The following MID1 variants were observed in gnomAD, a reference collection of about 807,000 sequenced individuals.
MID1 encodes the protein midline 1, also known as E3 ubiquitin-protein ligase Midline-1.
MID1 carries 7 observed loss-of-function variants against 40.4 expected under a neutral mutation model. The observed-to-expected ratio is 0.17, with a 90% CI of 0.10 to 0.33. MID1 has a LOEUF of 0.33. MID1 is among the 10% of genes least tolerant of loss of function. MID1 has a pLI of 1.00. For missense variants in MID1, 367 were observed against 558.5 expected, an observed-to-expected ratio of 0.66 and a Z score of 3.46; for synonymous variants, 229 against 221.2, an observed-to-expected ratio of 1.04 and a Z score of -0.31.
At chrX:10,775,851 T>TA (rs1210535830) in intron 1 of MID1, among the ~76,000 whole-genome samples, 1 of 111,560 alleles carries the variant, frequency 9.0e-6, no homozygotes, top group Admixed American at 9.6e-5. Context: ...TAATCAGTAA[T>TA]AGTTTCAAAG....
chrX:10,539,133 G>A (rs771149784), intron 2 of MID1, among the ~76,000 whole-genome samples: 1 of 112,365 alleles, frequency 8.9e-6, no homozygotes, highest in East Asian at 2.8e-4. Flanking sequence ...ATGAGGAATT[G>A]TGAAGCATTA....
chrX:10,677,732 A>G (rs183933246), intron 1 of MID1: 1 of 112,133 alleles, frequency 8.9e-6, no homozygotes, highest in Admixed American at 9.5e-5. Context: ...GTGACCCTGC[A>G]TAGAATCAGA....
intron 1 of MID1, among the ~76,000 whole-genome samples, chrX:10,806,921 A>C (rs2044052457): frequency 8.9e-6 from 1 of 112,192 alleles, no homozygotes; most frequent in Non-Finnish European, 1.9e-5. Flanking sequence ...AATTAAAAAA[A>C]ACATTTAATT....
At chrX:10,796,685 G>A (rs147762790) in intron 1 of MID1, among the ~76,000 whole-genome samples, 11 of 110,411 alleles carry the variant, frequency 1.0e-4, no homozygotes, top group South Asian at 7.9e-4. Context: ...TGGTAGGTGC[G>A]TACCTAGCAT....
At chrX:10,757,374 T>C (rs2043638785) in intron 1 of MID1, among the ~76,000 whole-genome samples, 1 of 112,285 alleles carries the variant, frequency 8.9e-6, no homozygotes, top group Non-Finnish European at 1.9e-5. Context: ...AAATGTGAAA[T>C]TTCTAGCATT....
chrX:10,484,408 G>A (rs988457010), intron 4 of MID1, among the ~76,000 whole-genome samples: 9 of 111,860 alleles, frequency 8.0e-5, no homozygotes, highest in Non-Finnish European at 1.7e-4. Context: ...TTTCAAATGC[G>A]ATGATGCTTG....
intron 1 of MID1, among the ~76,000 whole-genome samples, chrX:10,746,740 T>G (rs1312170142): frequency 1.8e-5 from 2 of 110,790 alleles, no homozygotes; most frequent in African/African-American, 6.5e-5. Flanking sequence ...AATGGATTTT[T>G]GTTGTTTGAA....
At chrX:10,655,653 A>G (rs1326580153) in intron 1 of MID1, among the ~76,000 whole-genome samples, 1 of 111,010 alleles carries the variant, frequency 9.0e-6, no homozygotes, top group African/African-American at 3.3e-5. Flanking sequence ...GTGTGGCCAC[A>G]TGACTCTTAT....
chrX:10,475,094 G>A (rs1027207927), intron 5 of MID1: 4 of 339,607 alleles, frequency 1.2e-5, no homozygotes, highest in Admixed American at 6.2e-5. Context: ...CAAGAAGCGC[G>A]TAGCTCTAGG....
intron 1 of MID1, among the ~76,000 whole-genome samples, chrX:10,793,420 C>T (rs2043947014): frequency 8.9e-6 from 1 of 112,311 alleles, no homozygotes; most frequent in African/African-American, 3.2e-5. Flanking sequence ...TCAGCCTGCA[C>T]CTCACTCCTT....
At chrX:10,715,625 C>A (rs145028834) in intron 1 of MID1, among the ~76,000 whole-genome samples, 1 of 111,961 alleles carries the variant, frequency 8.9e-6, no homozygotes, top group Non-Finnish European at 1.9e-5. Context: ...AGGGGCAGGG[C>A]ATAGCCAAAC....
At chrX:10,467,967 G>A (rs1175321011) in intron 7 of MID1, among the ~76,000 whole-genome samples, 2 of 111,219 alleles carry the variant, frequency 1.8e-5, no homozygotes, top group Non-Finnish European at 3.8e-5. Flanking sequence ...ATAGCTGTCC[G>A]GTACAGCCTT....
intron 1 of MID1, among the ~76,000 whole-genome samples, chrX:10,810,794 A>C (rs771040042): frequency 1.1e-3 from 116 of 109,093 alleles, no homozygotes; most frequent in African/African-American, 3.7e-3. Flanking sequence ...GCCACCCTTT[A>C]AAATGCTTTT....
At chrX:10,789,508 T>C (rs1399868769) in intron 1 of MID1, among the ~76,000 whole-genome samples, 1 of 112,174 alleles carries the variant, frequency 8.9e-6, no homozygotes, top group Non-Finnish European at 1.9e-5. Flanking sequence ...CAAATACCAT[T>C]GTGTTACAGT....
At chrX:10,572,371 G>A (rs758202699) in intron 1 of MID1, among the ~76,000 whole-genome samples, 3 of 110,419 alleles carry the variant, frequency 2.7e-5, no homozygotes, top group African/African-American at 9.9e-5. Flanking sequence ...CTAACGTGGT[G>A]AAACCCCGTC....
At chrX:10,632,080 A>G (rs1936058850) in intron 1 of MID1, among the ~76,000 whole-genome samples, 1 of 111,716 alleles carries the variant, frequency 9.0e-6, no homozygotes, top group Non-Finnish European at 1.9e-5. Flanking sequence ...TTACGCTTGC[A>G]TTGTCTGGCC....
chrX:10,461,949 G>A (rs903778416), intron 7 of MID1, among the ~76,000 whole-genome samples: 4 of 112,053 alleles, frequency 3.6e-5, no homozygotes, highest in Admixed American at 9.5e-5. Context: ...GTGGGGGAAC[G>A]CTTTCAGTAA....
At chrX:10,499,950 A>G (rs1931458518) in intron 3 of MID1, among the ~76,000 whole-genome samples, 2 of 112,465 alleles carry the variant, frequency 1.8e-5, no homozygotes, top group African/African-American at 6.5e-5. Flanking sequence ...AAATGAGCTG[A>G]ATAATATCTG....
rs1288982009 is a variant in MID1 at position 10,448,305 on chromosome X, A to C, written c.*1063T>G. On this transcript the variant is annotated 3_prime_UTR_variant, in exon 10 of 10. Coordinates refer to ENST00000317552, the MANE Select transcript of MID1 (RefSeq NM_000381.4). ...AATATTAAGTGTTTTTCAGTGACTTATGTTTGGATGTGGTAGTGCTGATCA... is the reference window on the plus strand; with the variant it reads ...AATATTAAGTGTTTTTCAGTGACTTCTGTTTGGATGTGGTAGTGCTGATCA... 2 of 111,208 alleles carry C rather than the reference A, an allele frequency of 1.8e-5. No homozygotes were observed. Among genetic ancestry groups the C allele is most frequent in the African/African-American group, 6.6e-5 (2 of 30,512 alleles). The allele number at this position is 111,208 out of a possible 1,213,427, so 9.2% of individuals were successfully genotyped here. A position where few individuals can be genotyped will look rare whatever the true frequency, so the allele number is the denominator to read the frequency against.
Sources: allele counts gnomAD v4.1 joint callset (sites outside exome capture counted in the v4.1 genomes callset), GRCh38; gene constraint gnomAD v4.1.1; transcripts MANE v1.5; gene names NCBI Gene and HGNC (gene_info 2026-07-23, HGNC 2026-07-21).